Variants in ESR2 observed in about 807,000 individuals in gnomAD.
The protein encoded by ESR2 is estrogen receptor 2, also known as estrogen receptor beta.
A neutral mutation model predicts 49.6 loss-of-function variants in ESR2; 36 were observed. The observed-to-expected ratio is 0.73, with a 90% CI of 0.56 to 0.96. The LOEUF is 0.96. Among genes scored for constraint, ESR2 ranks in the 40% least tolerant of loss-of-function variants. The probability of loss-of-function intolerance (pLI) is 0.00; values close to 1 mark genes in which losing one functional copy is unlikely to be tolerated. For synonymous variants in ESR2, 320 were observed against 266.1 expected, an observed-to-expected ratio of 1.20 and a Z score of -1.97; for missense variants, 714 against 693.0, an observed-to-expected ratio of 1.03 and a Z score of -0.34.
Position 64,242,432 on chromosome 14 carries a change from C to A in ESR2, c.1225+7114G>T, listed in dbSNP as rs974823066. 2.2e-4 allele frequency among the ~76,000 whole-genome samples: 20 copies of A among 92,838 alleles called. No individual in the cohort carries two copies. In the South Asian group the frequency reaches 2.2e-3, roughly 10 times the overall value. 60.9% of individuals were successfully genotyped at this position (92,838 alleles called of 152,430 possible). A position where few individuals can be genotyped will look rare whatever the true frequency, so the allele number is the denominator to read the frequency against. ...AAAAAAAAAAACAAAAAAAACAAAA[C>A]AAACAAACAAACAAAAAAAATATAT... On this transcript the variant is annotated intron_variant, in intron 7 of 8. Transcript: ENST00000341099.
intron 4 of ESR2, 79 bp downstream of exon 4, chr14:64,268,716 G>T: frequency 1.3e-6 from 1 of 797,988 alleles, no homozygotes; most frequent in South Asian, 1.6e-5. Flanking sequence ...CTCTTTTCCC[G>T]GCTACCTGTC....
At chr14:64,322,275 T>A (rs1596493087) in intron 1 of ESR2, among the ~76,000 whole-genome samples, 1 of 151,954 alleles carries the variant, frequency 6.6e-6, no homozygotes, top group Non-Finnish European at 1.5e-5. Flanking sequence ...GCCAGGCTGG[T>A]CTCGAACTCC....
At chr14:64,273,219 G>A (rs931290226) in intron 3 of ESR2, among the ~76,000 whole-genome samples, 2 of 151,864 alleles carry the variant, frequency 1.3e-5, no homozygotes, top group African/African-American at 2.4e-5. Context: ...TAGTTTTTTG[G>A]TGGAATTTTT....
intron 1 of ESR2, among the ~76,000 whole-genome samples, chr14:64,306,794 T>A (rs984072150): frequency 6.6e-6 from 1 of 152,220 alleles, no homozygotes; most frequent in African/African-American, 2.4e-5. Context: ...TATCCTAGGA[T>A]GAATTGGGAA....
At chr14:64,235,898 A>G (rs1048351060) in intron 7 of ESR2, among the ~76,000 whole-genome samples, 2 of 152,106 alleles carry the variant, frequency 1.3e-5, no homozygotes, top group African/African-American at 2.4e-5. Context: ...TGGCATCCCA[A>G]TGGCAGCAAA....
intron 4 of ESR2, among the ~76,000 whole-genome samples, chr14:64,261,219 T>C (rs1432597113): frequency 6.8e-6 from 1 of 147,050 alleles, no homozygotes; most frequent in Non-Finnish European, 1.5e-5. Flanking sequence ...GTCTTTTTAA[T>C]GCTTTTATTT....
In ESR2 at chr14:64,282,972, T is replaced by C; in HGVS notation, c.14A>G (p.Asn5Ser). MDIKNSPSSLNSPSS... is the reference protein window; with the variant it reads MDIKSSPSSLNSPSS... ...AGGAGAATTAAGGCTAGATGGTGAGTTTTTTATATCCATGTCTTGAGATAA... is the reference window on the plus strand; with the variant it reads ...AGGAGAATTAAGGCTAGATGGTGAGCTTTTTATATCCATGTCTTGAGATAA... Residue 5 changes from asparagine (N) to serine (S), a missense_variant, in exon 2 of 9, where the codon AAC becomes AGC. Asn to Ser is a conservative substitution (Grantham distance 46, BLOSUM62 1). Transcript: ENST00000341099. 2 of 1,612,064 alleles carry C rather than the reference T, an allele frequency of 1.2e-6. No individual in the cohort carries two copies. The highest frequency in any genetic ancestry group is 1.7e-6 in the Non-Finnish European group (2 of 1,178,746).
intron 7 of ESR2, among the ~76,000 whole-genome samples, chr14:64,247,310 C>A (rs1462078182): frequency 6.8e-6 from 1 of 146,210 alleles, no homozygotes; most frequent in Non-Finnish European, 1.5e-5. Context: ...CCAGCCTGGT[C>A]AACAGAGTGA....
At position 64,288,594 on chromosome 14, in the gene ESR2, C is replaced by T. The variant is rs138046938; in HGVS notation, c.-91+5439G>A. Among the ~76,000 whole-genome samples the T allele has an allele frequency of 5.9e-3, 890 of 152,056 alleles. 13 individuals are homozygous for T. Among genetic ancestry groups the T allele is most frequent in the African/African-American group, 0.021 (858 of 41,536 alleles). ...TGATCTCTTGACCTCGTGACCCGCC[C>T]GCCTTGGGCTCCCAAAGTGCTGGGA... On this transcript the variant is annotated intron_variant, in intron 1 of 8. Transcript: ENST00000341099.
chr14:64,234,932 T>C, intron 8 of ESR2, 38 bp downstream of exon 8: 2 of 1,602,604 alleles, frequency 1.2e-6, no homozygotes, highest in Non-Finnish European at 1.7e-6. Flanking sequence ...CATAATCCCA[T>C]CCCAAGCCCA....
At chr14:64,249,270 T>C (rs1393789350) in intron 7 of ESR2, among the ~76,000 whole-genome samples, 1 of 152,120 alleles carries the variant, frequency 6.6e-6, no homozygotes, top group Non-Finnish European at 1.5e-5. Context: ...GTTTAAAAGA[T>C]AAACAATTTA....
intron 1 of ESR2, chr14:64,335,688 A>T (rs1810886844): frequency 6.6e-6 from 1 of 151,124 alleles, no homozygotes; most frequent in African/African-American, 2.4e-5. Context: ...TTCCGTCTAT[A>T]GCAGCTATCT....
chr14:64,259,729 C>T (rs1433421613), intron 5 of ESR2, among the ~76,000 whole-genome samples: 3 of 152,106 alleles, frequency 2.0e-5, no homozygotes, highest in Non-Finnish European at 4.4e-5. Context: ...ATTGATGATT[C>T]GTGTAACTTC....
chr14:64,318,401 G>A (rs538664735), intron 1 of ESR2, among the ~76,000 whole-genome samples: 9 of 151,768 alleles, frequency 5.9e-5, no homozygotes, highest in Middle Eastern at 3.4e-3. Flanking sequence ...GCCAGGCATG[G>A]TGGCACATGC....
intron 1 of ESR2, among the ~76,000 whole-genome samples, chr14:64,285,107 C>G (rs908988253): frequency 6.6e-6 from 1 of 152,164 alleles, no homozygotes; most frequent in African/African-American, 2.4e-5. Flanking sequence ...CCTCGGCCTC[C>G]CAAAGTGCTG....
In ESR2 at chr14:64,260,450, G is replaced by T. The variant is rs1191564985; in HGVS notation, c.951C>A (p.Pro317=). 1 of 1,522,742 alleles carries T rather than the reference G, an allele frequency of 6.6e-7. No homozygotes were observed. Among genetic ancestry groups the T allele is most frequent in the East Asian group, 2.3e-5 (1 of 44,036 alleles). The allele number at this position is 1,522,742 out of a possible 1,614,324, so 94.3% of individuals were successfully genotyped here. A position where few individuals can be genotyped will look rare whatever the true frequency, so the allele number is the denominator to read the frequency against. The change falls in exon 5 of 9, where the codon CCC becomes CCA. Residue 317 remains proline (P), a splice_region_variant and synonymous_variant. Coordinates refer to ENST00000341099, the MANE Select transcript of ESR2 (RefSeq NM_001437.3). ...AAACTGATAGCCAGAAAGCCCTACC[G>T]GGAATCTTCTTGGCCCAGCTGATCA... ...VHMISWAKKI[P]GFVELSLFDQ...
chr14:64,304,115 G>A (rs2077060974), intron 1 of ESR2, among the ~76,000 whole-genome samples: 1 of 152,142 alleles, frequency 6.6e-6, no homozygotes, highest in Non-Finnish European at 1.5e-5. Context: ...TTCAAAAACA[G>A]GCTGAGCAAC....
intron 3 of ESR2, among the ~76,000 whole-genome samples, chr14:64,278,611 G>A (rs1420486552): frequency 2.0e-5 from 3 of 152,306 alleles, no homozygotes; most frequent in East Asian, 1.9e-4. Context: ...AACATAGGGT[G>A]TTGCCTGGGA....
intron 7 of ESR2, among the ~76,000 whole-genome samples, chr14:64,244,614 G>A: frequency 6.6e-6 from 1 of 152,150 alleles, no homozygotes; most frequent in Non-Finnish European, 1.5e-5. Context: ...ACTCACACCA[G>A]TGGCCTCCCA....
Sources: allele counts gnomAD v4.1 joint callset (sites outside exome capture counted in the v4.1 genomes callset), GRCh38; gene constraint gnomAD v4.1.1; transcripts MANE v1.5; gene names NCBI Gene and HGNC (gene_info 2026-07-23, HGNC 2026-07-21).